Variants in TRAPPC9 observed in about 807,000 individuals in gnomAD.
The protein encoded by TRAPPC9 is IKK2 binding protein.
Under a neutral mutation model 124.0 loss-of-function variants are expected in TRAPPC9, and 83 were observed. That is an observed-to-expected ratio of 0.67 (90% CI 0.56 to 0.80). The LOEUF (loss-of-function observed/expected upper bound fraction) is 0.80, where lower values mean the gene tolerates loss of function less well. Among genes scored for constraint, TRAPPC9 ranks in the 30% least tolerant of loss-of-function variants. The probability of loss-of-function intolerance (pLI) is 0.00; values close to 1 mark genes in which losing one functional copy is unlikely to be tolerated. For missense variants in TRAPPC9, 1,302 were observed against 1,508.3 expected (o/e 0.86, Z 2.27); for synonymous variants, 638 against 617.5 (o/e 1.03, Z -0.49).
intron 17 of TRAPPC9, among the ~76,000 whole-genome samples, chr8:140,067,155 T>G (rs1842931925): frequency 6.6e-6 from 1 of 152,152 alleles, no homozygotes; most frequent in African/African-American, 2.4e-5. Context: ...TTGTTTTGTT[T>G]TGTTTTGAGA....
chr8:140,415,218 A>C lies in TRAPPC9; in HGVS notation c.887-9520T>G, dbSNP rs189256416. 8.9e-3 allele frequency among the ~76,000 whole-genome samples: 1,350 copies of C among 151,996 alleles called. 17 individuals are homozygous for C. The highest frequency in any genetic ancestry group is 0.029 in the African/African-American group (1,209 of 41,464). On this transcript the variant is annotated intron_variant, in intron 5 of 22. Coordinates refer to ENST00000438773, the MANE Select transcript of TRAPPC9 (RefSeq NM_001160372.4). ...AGTAGAACCTTGTCTAAAAATAAGAAGAAGAAAATAAAAATAAAAATAATT... is the reference window on the plus strand; with the variant it reads ...AGTAGAACCTTGTCTAAAAATAAGACGAAGAAAATAAAAATAAAAATAATT...
chr8:140,090,081 A>C (rs1316034597), intron 17 of TRAPPC9, among the ~76,000 whole-genome samples: 1 of 151,966 alleles, frequency 6.6e-6, no homozygotes, highest in East Asian at 1.9e-4. Flanking sequence ...TCTGTCTCAA[A>C]AACAACAACA....
chr8:140,450,780 G>T lies in TRAPPC9; in HGVS notation c.584+10C>A. 1 of 1,596,898 alleles carries T rather than the reference G, an allele frequency of 6.3e-7. No individual in the cohort carries two copies. The highest frequency in any genetic ancestry group is 8.5e-7 in the Non-Finnish European group (1 of 1,170,168). Reference sequence around the variant, plus strand: ...GAAGCCAAGGGGCCTGGGTCTCTAGGTAAGCTTACCTGCTGTCTGTGTCCA... The same window carrying T: ...GAAGCCAAGGGGCCTGGGTCTCTAGTTAAGCTTACCTGCTGTCTGTGTCCA... On this transcript the variant is annotated intron_variant, in intron 2 of 22. Transcript: ENST00000438773.
At chr8:140,259,753 G>T (rs937556299) in intron 15 of TRAPPC9, among the ~76,000 whole-genome samples, 2 of 152,126 alleles carry the variant, frequency 1.3e-5, no homozygotes, top group African/African-American at 4.8e-5. Context: ...GTCTAACCCT[G>T]TCCCTGGCAT....
At chr8:139,735,830 G>A (rs1265708632) in intron 21 of TRAPPC9, among the ~76,000 whole-genome samples, 2 of 152,202 alleles carry the variant, frequency 1.3e-5, no homozygotes, top group African/African-American at 4.8e-5. Flanking sequence ...TGAAGGCTTG[G>A]AGCCAGCTGT....
rs1213182522 is a variant in TRAPPC9, at chr8:139,985,123, T to C, written c.2810+3603A>G. ...TAAAAGAATATTCGAGTTAGAAGCA[T>C]TCAGAAATGAGAATTTAAGCAAAAA... On this transcript the variant is annotated intron_variant, in intron 19 of 22. Transcript: ENST00000438773. 2.0e-5 allele frequency among the ~76,000 whole-genome samples: 3 copies of C among 152,166 alleles called. No individual in the cohort carries two copies. The East Asian group carries it at 5.8e-4, about 29-fold the overall frequency.
chr8:140,102,926 G>A (rs2060604840), intron 17 of TRAPPC9, among the ~76,000 whole-genome samples: 1 of 152,218 alleles, frequency 6.6e-6, no homozygotes, highest in Non-Finnish European at 1.5e-5. Context: ...CATTTTGAGG[G>A]AGTTGCAAAG....
chr8:140,437,576 A>C (rs963777123), intron 3 of TRAPPC9, among the ~76,000 whole-genome samples: 2 of 152,158 alleles, frequency 1.3e-5, no homozygotes, highest in African/African-American at 4.8e-5. Flanking sequence ...GTGAGCCAAG[A>C]TCATGCCACT....
intron 10 of TRAPPC9, among the ~76,000 whole-genome samples, chr8:140,309,422 G>GC (rs1452261676): frequency 9.9e-5 from 15 of 152,216 alleles, no homozygotes; most frequent in Admixed American, 9.8e-4. Context: ...TAACTCCAGG[G>GC]CTGCCTGGCA....
At chr8:139,890,295 G>A (rs936741320) in intron 20 of TRAPPC9, among the ~76,000 whole-genome samples, 11 of 152,228 alleles carry the variant, frequency 7.2e-5, no homozygotes, top group African/African-American at 2.2e-4. Context: ...CGTGCTCTCC[G>A]TTCCGAGCAC....
intron 9 of TRAPPC9, among the ~76,000 whole-genome samples, chr8:140,346,935 C>T (rs2067365369): frequency 6.6e-6 from 1 of 152,022 alleles, no homozygotes; most frequent in African/African-American, 2.4e-5. Flanking sequence ...CAGCCCCTCG[C>T]TGTGAAGCTG....
chr8:140,379,056 G>A (rs572753247), intron 7 of TRAPPC9, among the ~76,000 whole-genome samples: 30 of 151,688 alleles, frequency 2.0e-4, no homozygotes, highest in African/African-American at 5.6e-4. Flanking sequence ...CCAAACTTAA[G>A]TATTATTTGA....
At chr8:140,375,199 C>T (rs993284172) in intron 7 of TRAPPC9, among the ~76,000 whole-genome samples, 3 of 152,196 alleles carry the variant, frequency 2.0e-5, no homozygotes, top group Non-Finnish European at 2.9e-5. Flanking sequence ...ATGAAATCCC[C>T]AAACTCATTT....
intron 18 of TRAPPC9, among the ~76,000 whole-genome samples, chr8:140,009,857 T>C (rs879507148): frequency 2.0e-5 from 3 of 152,226 alleles, no homozygotes; most frequent in Non-Finnish European, 4.4e-5. Flanking sequence ...AACTCAACTT[T>C]ACTCATTGCT....
In TRAPPC9 at chr8:140,287,754, A is replaced by T. The variant is rs2065532820; in HGVS notation, c.1855-20T>A. On this transcript the variant is annotated intron_variant, in intron 12 of 22. Coordinates refer to ENST00000438773, the MANE Select transcript of TRAPPC9 (RefSeq NM_001160372.4). ...CAGCCCCTAAACCAAGCGACGCAGC[A>T]TCGTAAGCCCGGAGCAAACCTACTG... 1 of 1,613,892 alleles carries T rather than the reference A, an allele frequency of 6.2e-7. No homozygotes were observed. Among genetic ancestry groups the T allele is most frequent in the Admixed American group, 1.7e-5 (1 of 60,006 alleles).
chr8:140,434,368 CAAG>C (rs1273666654), intron 4 of TRAPPC9, among the ~76,000 whole-genome samples: 2 of 152,168 alleles, frequency 1.3e-5, no homozygotes, highest in Non-Finnish European at 2.9e-5. Flanking sequence ...CTGCTCTACC[CAAG>C]AAGTTTTCTC....
rs565138561 is a variant in TRAPPC9, at chr8:140,270,452, G to C, written c.2278+5206C>G. Among the ~76,000 whole-genome samples, 8 of 152,268 alleles carry C rather than the reference G, an allele frequency of 5.3e-5. No homozygotes were observed. In the East Asian group the frequency reaches 1.5e-3, roughly 29 times the overall value. On this transcript the variant is annotated intron_variant, in intron 15 of 22. Transcript: ENST00000438773. ...ATGTCTTTCCGTCACCAATTACTCG[G>C]TACTGAGCACCTGCTATGTGCCAGG...
chr8:139,930,620 C>T (rs1833084909), intron 19 of TRAPPC9, among the ~76,000 whole-genome samples: 1 of 152,232 alleles, frequency 6.6e-6, no homozygotes, highest in Non-Finnish European at 1.5e-5. Context: ...TCCTTCTAGA[C>T]CCGTCAAATA....
chr8:140,163,725 T>C (rs2061787542), intron 17 of TRAPPC9, among the ~76,000 whole-genome samples: 1 of 152,106 alleles, frequency 6.6e-6, no homozygotes, highest in Admixed American at 6.6e-5. Flanking sequence ...TTTCAATAAA[T>C]TGCCTTTCAA....
Sources: gnomAD v4.1 joint callset for allele counts (sites outside exome capture counted in the v4.1 genomes callset) on GRCh38, gnomAD v4.1.1 for gene constraint, MANE v1.5 for transcripts, NCBI Gene and HGNC (gene_info 2026-07-23, HGNC 2026-07-21) for gene names.